The following NALCN variants were observed in gnomAD, a reference collection of about 807,000 sequenced individuals.
NALCN encodes the protein sodium leak channel, non-selective.
A neutral mutation model predicts 225.3 loss-of-function variants in NALCN; 111 were observed. That is an observed-to-expected ratio of 0.49 (90% CI 0.42 to 0.58). The LOEUF (loss-of-function observed/expected upper bound fraction) is 0.58, where lower values mean the gene tolerates loss of function less well. NALCN is among the 20% of genes least tolerant of loss of function. The pLI is 0.00. For synonymous variants in NALCN, 764 were observed against 769.0 expected (o/e 0.99, Z 0.11); for missense variants, 1,378 against 2,202.4 (o/e 0.63, Z 7.49).
chr13:101,176,730 G>A (rs116147229), intron 14 of NALCN, among the ~76,000 whole-genome samples: 244 of 152,184 alleles, frequency 1.6e-3, no homozygotes, highest in African/African-American at 5.6e-3. Flanking sequence ...CTTATTAGAG[G>A]GTTGTTTGTA....
chr13:101,272,245 ATG>A (rs1391527606), intron 10 of NALCN, among the ~76,000 whole-genome samples: 1 of 150,990 alleles, frequency 6.6e-6, no homozygotes, highest in Non-Finnish European at 1.5e-5. Flanking sequence ...ATGAGTGTGT[ATG>A]TGTGTGTACA....
rs1354786181 is a variant in NALCN at position 101,228,244 on chromosome 13, T to C, written c.1626+1149A>G. On this transcript the variant is annotated intron_variant, in intron 13 of 43. Transcript: ENST00000251127. ...CTAAAATAATAAATTTAGCATAGGA[T>C]TTTTAAAAAAATCCCTAAAATAAAG... is the stretch of plus-strand genomic sequence containing the variant. Among the ~76,000 whole-genome samples, 3 of 152,190 alleles carry C rather than the reference T, an allele frequency of 2.0e-5. No individual in the cohort carries two copies. In the East Asian group the frequency reaches 5.8e-4, roughly 29 times the overall value.
rs187401938 is a variant in NALCN at position 101,415,675 on chromosome 13, C to A, written c.-40+638G>T. 3.9e-5 allele frequency among the ~76,000 whole-genome samples: 6 copies of A among 152,304 alleles called. No individual in the cohort carries two copies. In the East Asian group the frequency reaches 1.2e-3, roughly 30 times the overall value. On this transcript the variant is annotated intron_variant, in intron 1 of 43. Transcript: ENST00000251127. ...CACTGTTTTGCGTTCGGTGTAGCCACCCTAATGACGGCTGCTTAACAAGGC... is the reference window on the plus strand; with the variant it reads ...CACTGTTTTGCGTTCGGTGTAGCCAACCTAATGACGGCTGCTTAACAAGGC...
intron 6 of NALCN, among the ~76,000 whole-genome samples, chr13:101,360,189 C>CCTCTCTCTCTCTCTCTCCCTCTCTCTCT (rs2046204590): frequency 1.1e-5 from 1 of 89,242 alleles, no homozygotes; most frequent in Non-Finnish European, 2.3e-5. Flanking sequence ...TTCCTCTCTT[C>CCTCTCTCTCTCTCTCTCCCTCTCTCTCT]CTCTCTCTCT....
chr13:101,153,353 G>C (rs1259155982), intron 15 of NALCN, among the ~76,000 whole-genome samples: 1 of 152,188 alleles, frequency 6.6e-6, no homozygotes, highest in Non-Finnish European at 1.5e-5. Context: ...TCACCCATAT[G>C]AATGGGGTGA....
chr13:101,328,201 C>T (rs1448530698), intron 7 of NALCN, among the ~76,000 whole-genome samples: 1 of 152,148 alleles, frequency 6.6e-6, no homozygotes, highest in African/African-American at 2.4e-5. Context: ...CAAAGCAGTG[C>T]AAGAAATAGT....
intron 1 of NALCN, among the ~76,000 whole-genome samples, chr13:101,409,210 G>A (rs964675513): frequency 2.0e-5 from 3 of 152,100 alleles, no homozygotes; most frequent in African/African-American, 7.2e-5. Flanking sequence ...GCACCTACAT[G>A]CCCAAACTAA....
At chr13:101,377,118 G>C in intron 4 of NALCN, 62 bp from the exon 5 acceptor site, 1 of 1,601,070 alleles carries the variant, frequency 6.2e-7, no homozygotes, top group Middle Eastern at 1.7e-4. Context: ...TATAGTCATG[G>C]AACATACAGA....
chr13:101,326,368 A>G (rs541949508), intron 7 of NALCN, among the ~76,000 whole-genome samples: 1 of 152,308 alleles, frequency 6.6e-6, no homozygotes, highest in African/African-American at 2.4e-5. Context: ...AACTTAAAAC[A>G]CTGCTCAGAG....
At chr13:101,189,058 C>T (rs1171460548) in intron 14 of NALCN, among the ~76,000 whole-genome samples, 6 of 152,140 alleles carry the variant, frequency 3.9e-5, no homozygotes, top group African/African-American at 1.4e-4. Flanking sequence ...TTAAGATGCA[C>T]ATTTACTTTC....
chr13:101,285,618 T>C (rs2043312214), intron 9 of NALCN, among the ~76,000 whole-genome samples: 1 of 152,172 alleles, frequency 6.6e-6, no homozygotes, highest in Admixed American at 6.5e-5. Context: ...AAAGCTCCTT[T>C]GACAAAGATG....
chr13:101,372,057 G>A (rs546957599), intron 6 of NALCN, among the ~76,000 whole-genome samples: 2 of 152,038 alleles, frequency 1.3e-5, no homozygotes, highest in African/African-American at 2.4e-5. Context: ...AATTTGAAAC[G>A]TCATGTTCTT....
At chr13:101,183,056 G>A (rs1594383482) in intron 14 of NALCN, among the ~76,000 whole-genome samples, 1 of 152,330 alleles carries the variant, frequency 6.6e-6, no homozygotes, top group East Asian at 1.9e-4. Context: ...AGTCATGGGA[G>A]TGGGTGACAA....
At chr13:101,055,546 C>G (rs944239266) in intron 43 of NALCN, 58 bp from the exon 44 acceptor site, 1 of 1,457,410 alleles carries the variant, frequency 6.9e-7, no homozygotes, top group Non-Finnish European at 9.4e-7. Context: ...ATTGTAATCA[C>G]TCCTAAAAAC....
intron 18 of NALCN, among the ~76,000 whole-genome samples, chr13:101,113,516 T>C (rs2035551541): frequency 6.6e-6 from 1 of 152,230 alleles, no homozygotes; most frequent in Admixed American, 6.5e-5. Flanking sequence ...CAATCAGACC[T>C]GCTAAGAGGT....
intron 1 of NALCN, among the ~76,000 whole-genome samples, chr13:101,405,111 C>T (rs1257910140): frequency 2.0e-5 from 3 of 152,184 alleles, no homozygotes; most frequent in African/African-American, 7.2e-5. Context: ...CTAAAATCTA[C>T]ATTTGAACAA....
chr13:101,365,391 GGC>G (rs1294620314), intron 6 of NALCN, among the ~76,000 whole-genome samples: 1 of 151,974 alleles, frequency 6.6e-6, no homozygotes, highest in Non-Finnish European at 1.5e-5. Context: ...TCTTTCTCAT[GGC>G]TGCATAGCAT....
chr13:101,259,524 CAG>C (rs2042346561), intron 10 of NALCN, among the ~76,000 whole-genome samples: 1 of 151,326 alleles, frequency 6.6e-6, no homozygotes, highest in African/African-American at 2.4e-5. Context: ...TTAGTAGAGA[CAG>C]GGTTTCACCA....
intron 13 of NALCN, among the ~76,000 whole-genome samples, chr13:101,195,326 T>C (rs950620866): frequency 6.6e-6 from 1 of 152,252 alleles, no homozygotes; most frequent in African/African-American, 2.4e-5. Flanking sequence ...TTATCTGCCA[T>C]GTATGTTCAG....
Sources: gnomAD v4.1 joint callset for allele counts (sites outside exome capture counted in the v4.1 genomes callset) on GRCh38, gnomAD v4.1.1 for gene constraint, MANE v1.5 for transcripts, NCBI Gene and HGNC (gene_info 2026-07-23, HGNC 2026-07-21) for gene names.